Variants in JMJD1C observed in about 807,000 individuals in gnomAD.
JMJD1C encodes jumonji domain-containing protein 1C.
In JMJD1C, 31 loss-of-function variants were observed where a neutral mutation model predicts 245.3. That is an observed-to-expected ratio of 0.13 (90% CI 0.09 to 0.17). The LOEUF (loss-of-function observed/expected upper bound fraction) is 0.17, where lower values mean the gene tolerates loss of function less well. JMJD1C is among the 10% of genes least tolerant of loss of function. The pLI is 1.00. For synonymous variants in JMJD1C, 1,057 were observed against 1,017.4 expected, an observed-to-expected ratio of 1.04 and a Z score of -0.74; for missense variants, 2,691 against 3,000.2, an observed-to-expected ratio of 0.90 and a Z score of 2.41.
chr10:63,490,974 CATTTAA>C (rs1387409424), intron 1 of JMJD1C, among the ~76,000 whole-genome samples: 3 of 152,190 alleles, frequency 2.0e-5, no homozygotes, highest in African/African-American at 7.2e-5. Context: ...ATAGATAGCT[CATTTAA>C]TCCATGCAAC....
chr10:63,406,058 G>C (rs1949151250), intron 1 of JMJD1C, among the ~76,000 whole-genome samples: 1 of 152,102 alleles, frequency 6.6e-6, no homozygotes. Context: ...GCTAAACTAA[G>C]AAGAAACAAG....
At chr10:63,355,994 TTATA>T (rs1944810860) in intron 2 of JMJD1C, among the ~76,000 whole-genome samples, 1 of 152,194 alleles carries the variant, frequency 6.6e-6, no homozygotes, top group Admixed American at 6.5e-5. Flanking sequence ...TTCAAATAAA[TTATA>T]TTTAAATGAG....
At chr10:63,259,944 C>T (rs1241565970) in intron 3 of JMJD1C, among the ~76,000 whole-genome samples, 1 of 152,106 alleles carries the variant, frequency 6.6e-6, no homozygotes, top group East Asian at 1.9e-4. Context: ...TCTTATTGCC[C>T]AGGCTGGAGT....
At chr10:63,458,759 T>C (rs1952587325) in intron 1 of JMJD1C, among the ~76,000 whole-genome samples, 1 of 151,902 alleles carries the variant, frequency 6.6e-6, no homozygotes, top group Non-Finnish European at 1.5e-5. Flanking sequence ...AGTCTCACTT[T>C]GTCACCCAGG....
chr10:63,348,982 T>C (rs1178235771), intron 2 of JMJD1C, among the ~76,000 whole-genome samples: 1 of 151,086 alleles, frequency 6.6e-6, no homozygotes, highest in Non-Finnish European at 1.5e-5. Flanking sequence ...GTGCCTGTAA[T>C]CCTAGCTACT....
chr10:63,359,130 C>T (rs1473396054), intron 2 of JMJD1C: 1 of 152,792 alleles, frequency 6.5e-6, no homozygotes, highest in African/African-American at 2.4e-5. Flanking sequence ...GTTTCATAAT[C>T]CTAGTAATGT....
Position 63,318,328 on chromosome 10 carries a change from C to T in JMJD1C, c.334-53564G>A, listed in dbSNP as rs538156603. Among the ~76,000 whole-genome samples, 4 of 152,300 alleles carry T rather than the reference C, an allele frequency of 2.6e-5. No homozygotes were observed. The East Asian group carries it at 7.7e-4, about 29-fold the overall frequency. ...TACAAGTGTCAGCCACCACCCCCAG[C>T]TTGATCTTTTCTTTTCCCATGTCTA... is the stretch of plus-strand genomic sequence containing the variant. On this transcript the variant is annotated intron_variant, in intron 2 of 25. Coordinates refer to ENST00000399262, the MANE Select transcript of JMJD1C (RefSeq NM_032776.3).
chr10:63,264,062 T>G (rs1413011718), intron 3 of JMJD1C, among the ~76,000 whole-genome samples: 5 of 150,696 alleles, frequency 3.3e-5, no homozygotes, highest in Admixed American at 3.3e-4. Flanking sequence ...TTCAACAATC[T>G]TAAAAAATAT....
At chr10:63,357,339 T>G (rs1479490616) in intron 2 of JMJD1C, among the ~76,000 whole-genome samples, 1 of 151,054 alleles carries the variant, frequency 6.6e-6, no homozygotes, top group African/African-American at 2.4e-5. Flanking sequence ...AGAGTCTCGC[T>G]CTGTTGCCCA....
chr10:63,199,236 C>A (rs1410800845), intron 11 of JMJD1C, among the ~76,000 whole-genome samples: 3 of 152,018 alleles, frequency 2.0e-5, no homozygotes, highest in Non-Finnish European at 4.4e-5. Flanking sequence ...TTATAGGAAC[C>A]CCATTAATGT....
At position 63,337,550 on chromosome 10, in the gene JMJD1C, CAAGAAAAGAA is replaced by C. The variant is rs200782668; in HGVS notation, c.333+42758_333+42767del. The stretch of plus-strand genomic sequence containing the variant: ...GAAGGGAGGGGAGGGGAGGAGAGGA[CAAGAAAAGAA>C]AAGAAAAGAAAAGAAAAGAAAAGAA... On this transcript the variant is annotated intron_variant, in intron 2 of 25. Coordinates refer to ENST00000399262, the MANE Select transcript of JMJD1C (RefSeq NM_032776.3). 8.9e-3 allele frequency among the ~76,000 whole-genome samples: 491 copies of C among 55,036 alleles called. 3 individuals are homozygous for C. Among genetic ancestry groups the C allele is most frequent in the Middle Eastern group, 0.037 (4 of 108 alleles). 36.1% of individuals were successfully genotyped at this position (55,036 alleles called of 152,430 possible).
intron 2 of JMJD1C, among the ~76,000 whole-genome samples, chr10:63,334,763 G>C (rs1317016173): frequency 6.6e-6 from 1 of 151,906 alleles, no homozygotes; most frequent in African/African-American, 2.4e-5. Context: ...CAGGTTGGAG[G>C]GGTGGCGTGA....
chr10:63,242,429 T>A (rs916808385), intron 3 of JMJD1C, among the ~76,000 whole-genome samples: 1 of 152,118 alleles, frequency 6.6e-6, no homozygotes, highest in African/African-American at 2.4e-5. Flanking sequence ...TTAGGATACA[T>A]GAAAAAAGCA....
intron 2 of JMJD1C, among the ~76,000 whole-genome samples, chr10:63,338,528 C>T (rs372165254): frequency 6.6e-6 from 1 of 151,924 alleles, no homozygotes; most frequent in Non-Finnish European, 1.5e-5. Flanking sequence ...CTAAGATAGA[C>T]CTAGATATAG....
At chr10:63,363,995 A>G (rs1176362509) in intron 2 of JMJD1C, among the ~76,000 whole-genome samples, 1 of 151,682 alleles carries the variant, frequency 6.6e-6, no homozygotes, top group African/African-American at 2.4e-5. Flanking sequence ...AGCTGGGATT[A>G]CAGTAATGCG....
chr10:63,413,014 C>T (rs1949577863), intron 1 of JMJD1C, among the ~76,000 whole-genome samples: 1 of 149,600 alleles, frequency 6.7e-6, no homozygotes, highest in African/African-American at 2.4e-5. Context: ...AAGAAAAAGC[C>T]GAAACACAAA....
intron 1 of JMJD1C, among the ~76,000 whole-genome samples, chr10:63,452,996 A>G (rs569346108): frequency 1.3e-5 from 2 of 152,196 alleles, no homozygotes; most frequent in South Asian, 4.1e-4. Context: ...GGTTAAAATG[A>G]GCTGTGCGTG....
intron 2 of JMJD1C, among the ~76,000 whole-genome samples, chr10:63,279,018 G>A (rs911833375): frequency 6.6e-6 from 1 of 152,100 alleles, no homozygotes; most frequent in Non-Finnish European, 1.5e-5. Flanking sequence ...GGGAGGCCGA[G>A]GCAGCTGGAT....
chr10:63,468,678 CCCACGTGTAAATATGT>C (rs1487811961), upstream of JMJD1C, among the ~76,000 whole-genome samples: 5 of 152,140 alleles, frequency 3.3e-5, no homozygotes, highest in Non-Finnish European at 7.3e-5. Flanking sequence ...TCTTTCCATC[CCCACGTGTAAATATGT>C]CCATTAAATA....
Sources: allele counts gnomAD v4.1 joint callset (sites outside exome capture counted in the v4.1 genomes callset), GRCh38; gene constraint gnomAD v4.1.1; transcripts MANE v1.5; gene names NCBI Gene and HGNC (gene_info 2026-07-23, HGNC 2026-07-21).